The following TSNARE1 variants were observed in gnomAD, a reference collection of about 807,000 sequenced individuals.
TSNARE1 encodes t-SNARE domain containing 1.
Under a neutral mutation model 62.0 loss-of-function variants are expected in TSNARE1, and 49 were observed. The observed-to-expected ratio is 0.79, with a 90% confidence interval of 0.63 to 1.00. The LOEUF is 1.00. Ranked by LOEUF, TSNARE1 falls within the 50% of genes least tolerant of loss-of-function variation. TSNARE1 has a pLI of 0.00. For missense variants in TSNARE1, 755 were observed against 700.1 expected (o/e 1.08, Z -0.88); for synonymous variants, 328 against 294.4 (o/e 1.11, Z -1.17).
chr8:142,255,991 G>C (rs62650734), intron 12 of TSNARE1, among the ~76,000 whole-genome samples: 1 of 4,670 alleles, frequency 2.1e-4, no homozygotes, highest in Non-Finnish European at 4.9e-4. Context: ...CACCACCACC[G>C]TCACCATCAC....
At chr8:142,311,793 A>G (rs929815690) in intron 9 of TSNARE1, among the ~76,000 whole-genome samples, 2 of 152,166 alleles carry the variant, frequency 1.3e-5, no homozygotes, top group East Asian at 1.9e-4. Flanking sequence ...GCATTTCAAT[A>G]TAAGTTTTCT....
chr8:142,256,493 AC>A (rs1818581714), intron 12 of TSNARE1, among the ~76,000 whole-genome samples: 1 of 148,302 alleles, frequency 6.7e-6, no homozygotes, highest in Admixed American at 6.7e-5. Context: ...CACCACCATC[AC>A]CATCACTGTA....
At chr8:142,377,896 A>G (rs539959671) in intron 1 of TSNARE1, among the ~76,000 whole-genome samples, 2 of 152,380 alleles carry the variant, frequency 1.3e-5, no homozygotes, top group South Asian at 4.1e-4. Flanking sequence ...AATATGCAGC[A>G]TCTCTAACCA....
intron 6 of TSNARE1, 111 bp from the exon 7 acceptor site, chr8:142,318,745 A>G: frequency 1.1e-6 from 1 of 923,802 alleles, no homozygotes. Flanking sequence ...GGGGAGACAG[A>G]GACAGATGGA....
chr8:142,296,523 G>A (rs899491886), intron 10 of TSNARE1, among the ~76,000 whole-genome samples: 1 of 151,952 alleles, frequency 6.6e-6, no homozygotes, highest in African/African-American at 2.4e-5. Flanking sequence ...TGACACGTCG[G>A]TTCCACAAGT....
intron 12 of TSNARE1, among the ~76,000 whole-genome samples, chr8:142,256,259 CCATCACCAT>C (rs1339409679): frequency 8.8e-6 from 1 of 114,002 alleles, no homozygotes; most frequent in Non-Finnish European, 1.9e-5. Flanking sequence ...ACCATCATCA[CCATCACCAT>C]CACCACCACC....
chr8:142,293,516 C>A (rs1563845840), intron 10 of TSNARE1, among the ~76,000 whole-genome samples: 1 of 152,256 alleles, frequency 6.6e-6, no homozygotes, highest in Non-Finnish European at 1.5e-5. Context: ...TAAACCGAGG[C>A]TCCAGGAGAG....
At chr8:142,257,949 TCA>T (rs757057470) in intron 12 of TSNARE1, among the ~76,000 whole-genome samples, 6 of 151,228 alleles carry the variant, frequency 4.0e-5, no homozygotes, top group East Asian at 1.9e-4. Flanking sequence ...ACACCCAAGC[TCA>T]CACACACACA....
At chr8:142,360,197 G>C (rs1835046426) in intron 1 of TSNARE1, among the ~76,000 whole-genome samples, 1 of 152,190 alleles carries the variant, frequency 6.6e-6, no homozygotes, top group African/African-American at 2.4e-5. Context: ...ATGGGCAGGG[G>C]ACCCAGCCAA....
chr8:142,317,829 G>C (rs1295215928), intron 7 of TSNARE1, among the ~76,000 whole-genome samples: 1 of 152,160 alleles, frequency 6.6e-6, no homozygotes, highest in Admixed American at 6.5e-5. Flanking sequence ...ATGGTGACGG[G>C]CGCCTGTAAT....
chr8:142,330,921 C>A lies in TSNARE1; in HGVS notation c.873G>T (p.Thr291=). Residue 291 remains threonine (T), a synonymous_variant, in exon 6 of 14, where the codon ACG becomes ACT. Coordinates refer to ENST00000524325, the MANE Select transcript of TSNARE1 (RefSeq NM_145003.5). ...SLQSLGTPSD[T]QELRDSLHTA... ...CTCACAGGCTGTCCCGAAGCTCCTG[C>A]GTGTCACTCGGTGTCCCTAAGGACT... 6.2e-7 allele frequency: 1 copy of A among 1,614,116 alleles called. No individual in the cohort carries two copies. Among genetic ancestry groups the A allele is most frequent in the Non-Finnish European group, 8.5e-7 (1 of 1,180,002 alleles).
chr8:142,277,066 G>A (rs1466529829), intron 11 of TSNARE1: 12 of 985,248 alleles, frequency 1.2e-5, no homozygotes, highest in African/African-American at 7.0e-5. Context: ...GGTACTGAGC[G>A]ACACTCCAAT....
rs2130901436 is a variant in TSNARE1, at chr8:142,284,460, A to G, written c.1316T>C (p.Ile439Thr). The G allele has an allele frequency of 6.2e-7, 1 of 1,613,788 alleles. No individual in the cohort carries two copies. The highest frequency in any genetic ancestry group is 1.3e-5 in the African/African-American group (1 of 75,048). The change falls in exon 11 of 14, where the codon ATC becomes ACC. Residue 439 changes from isoleucine to threonine, a missense_variant. Ile to Thr is a moderately conservative substitution (Grantham distance 89). Coordinates refer to ENST00000524325, the MANE Select transcript of TSNARE1 (RefSeq NM_145003.5). ...MESNLLDVNQ[I>T]IKDLASMVSE... ...CACCATGGAGGCCAAGTCCTTGATG[A>G]TCTGATTCACATCCAGCAAGTTGCT...
At chr8:142,392,121 T>C (rs1837573883) in intron 1 of TSNARE1, among the ~76,000 whole-genome samples, 1 of 152,192 alleles carries the variant, frequency 6.6e-6, no homozygotes, top group African/African-American at 2.4e-5. Flanking sequence ...TCTCCCAGGT[T>C]CAAGTGATTA....
intron 1 of TSNARE1, among the ~76,000 whole-genome samples, chr8:142,399,454 G>A (rs1194943328): frequency 6.6e-6 from 1 of 152,224 alleles, no homozygotes; most frequent in Non-Finnish European, 1.5e-5. Context: ...TGGCGCTGGG[G>A]ACCGTGGGGG....
intron 7 of TSNARE1, among the ~76,000 whole-genome samples, chr8:142,317,931 C>T (rs1412894071): frequency 2.0e-5 from 3 of 152,100 alleles, no homozygotes; most frequent in African/African-American, 7.2e-5. Context: ...GCACTTCAGC[C>T]TGGGAGACAG....
At chr8:142,293,381 G>A (rs1586607486) in intron 10 of TSNARE1, among the ~76,000 whole-genome samples, 1 of 152,238 alleles carries the variant, frequency 6.6e-6, no homozygotes, top group Non-Finnish European at 1.5e-5. Context: ...GGACAGCCAC[G>A]GCCACACCTC....
chr8:142,344,568 TGCTTCAGGACACG>T lies in TSNARE1; in HGVS notation c.239-109_239-97del, dbSNP rs200201200. ...CCTACGGCGCCTCCTCTCTGGTTTC[TGCTTCAGGACACG>T]GCTGCCTGGTCCTGGCCACCACCCC... On this transcript the variant is annotated intron_variant, in intron 3 of 13. Coordinates refer to ENST00000524325, the MANE Select transcript of TSNARE1 (RefSeq NM_145003.5). 8.0e-3 allele frequency: 10,471 copies of T among 1,306,528 alleles called. 58 individuals carry two copies. The highest frequency in any genetic ancestry group is 0.022 in the East Asian group (766 of 35,626). 80.9% of individuals were successfully genotyped at this position (1,306,528 alleles called of 1,614,324 possible).
intron 12 of TSNARE1, among the ~76,000 whole-genome samples, chr8:142,268,640 T>C (rs1819267034): frequency 6.6e-6 from 1 of 152,222 alleles, no homozygotes; most frequent in South Asian, 2.1e-4. Context: ...TTTTCCAGCT[T>C]CTAATGCAAC....
Sources: gnomAD v4.1 joint callset for allele counts (sites outside exome capture counted in the v4.1 genomes callset) on GRCh38, gnomAD v4.1.1 for gene constraint, MANE v1.5 for transcripts, NCBI Gene and HGNC (gene_info 2026-07-23, HGNC 2026-07-21) for gene names.